PHF14: variants seen among roughly 807,000 people sequenced by gnomAD.
The protein encoded by PHF14 is PHD finger protein 14.
In PHF14, 55 loss-of-function variants were observed where a neutral mutation model predicts 117.9. The ratio of observed to expected loss-of-function variants is 0.47; its 90% CI spans 0.38 to 0.58. The LOEUF is 0.58. Among genes scored for constraint, PHF14 ranks in the 20% least tolerant of loss-of-function variants. The probability of loss-of-function intolerance (pLI) is 0.00; values close to 1 mark genes in which losing one functional copy is unlikely to be tolerated. For missense variants in PHF14, 978 were observed against 1,122.2 expected, an observed-to-expected ratio of 0.87 and a Z score of 1.84; for synonymous variants, 409 against 368.6, an observed-to-expected ratio of 1.11 and a Z score of -1.26.
chr7:11,105,930 C>T, intron 16 of PHF14: 3 of 984,480 alleles, frequency 3.0e-6, no homozygotes, highest in Non-Finnish European at 3.6e-6. Context: ...TAATTATGAA[C>T]AGGGAAATAC....
intron 4 of PHF14, among the ~76,000 whole-genome samples, chr7:10,992,342 C>T (rs1261929564): frequency 6.6e-6 from 1 of 151,248 alleles, no homozygotes; most frequent in East Asian, 2.0e-4. Context: ...GCATGAGCCA[C>T]CGTGCCTGGC....
intron 3 of PHF14, among the ~76,000 whole-genome samples, chr7:10,989,533 C>T (rs1333455280): frequency 2.0e-5 from 3 of 152,144 alleles, no homozygotes; most frequent in Admixed American, 6.5e-5. Flanking sequence ...TCTTAACTTA[C>T]TTAAAGTTTA....
chr7:11,097,476 G>A (rs1786922331), intron 16 of PHF14, among the ~76,000 whole-genome samples: 1 of 152,054 alleles, frequency 6.6e-6, no homozygotes, highest in Non-Finnish European at 1.5e-5. Context: ...GTAGTAGTAG[G>A]CCTTTATCAT....
intron 17 of PHF14, among the ~76,000 whole-genome samples, chr7:11,144,048 G>A (rs550073195): frequency 2.0e-5 from 3 of 152,056 alleles, no homozygotes; most frequent in East Asian, 1.9e-4. Context: ...CAAATAGTCC[G>A]ATTTTAAAAA....
chr7:11,163,344 A>G, intron 17 of PHF14, among the ~76,000 whole-genome samples: 1 of 152,216 alleles, frequency 6.6e-6, no homozygotes, highest in East Asian at 1.9e-4. Context: ...AGTTCATTTC[A>G]GTATCTGTCA....
intron 14 of PHF14, chr7:11,061,575 C>T: frequency 3.0e-6 from 1 of 336,792 alleles, no homozygotes; most frequent in East Asian, 4.7e-5. Flanking sequence ...AAGTAAAGTA[C>T]TATAAAGTAT....
intron 17 of PHF14, among the ~76,000 whole-genome samples, chr7:11,146,468 C>T (rs1452552116): frequency 1.3e-5 from 2 of 152,124 alleles, no homozygotes; most frequent in Non-Finnish European, 2.9e-5. Flanking sequence ...TTCTTCACCT[C>T]CATGTCTCTC....
intron 16 of PHF14, among the ~76,000 whole-genome samples, chr7:11,085,433 G>A (rs1418836151): frequency 2.6e-5 from 4 of 152,166 alleles, no homozygotes; most frequent in Non-Finnish European, 4.4e-5. Context: ...TTTGTGTAAT[G>A]TATTGGATCT....
intron 13 of PHF14, among the ~76,000 whole-genome samples, chr7:11,047,018 CTT>C (rs11323530): frequency 2.1e-5 from 3 of 144,712 alleles, no homozygotes; most frequent in African/African-American, 7.5e-5. Flanking sequence ...TCATAAAATC[CTT>C]TTTTTTTTTA....
chr7:10,989,890 C>T (rs962056014), intron 3 of PHF14, among the ~76,000 whole-genome samples: 15 of 152,170 alleles, frequency 9.9e-5, no homozygotes, highest in African/African-American at 3.6e-4. Context: ...TTCAACCTCC[C>T]ACTGTATTTG....
intron 13 of PHF14, among the ~76,000 whole-genome samples, chr7:11,046,122 C>G (rs1784654538): frequency 6.6e-6 from 1 of 152,024 alleles, no homozygotes; most frequent in African/African-American, 2.4e-5. Context: ...GTTTGTACCT[C>G]TTTCTAGTAT....
chr7:11,053,000 C>T (rs1447740636), intron 14 of PHF14, among the ~76,000 whole-genome samples: 1 of 152,086 alleles, frequency 6.6e-6, no homozygotes, highest in East Asian at 1.9e-4. Context: ...TGCTGGCTTA[C>T]AGTTATGAAT....
chr7:11,005,307 A>G, intron 4 of PHF14, among the ~76,000 whole-genome samples: 1 of 152,218 alleles, frequency 6.6e-6, no homozygotes, highest in Non-Finnish European at 1.5e-5. Context: ...TTTATTAGGA[A>G]GCATTTACTG....
chr7:10,988,016 C>CCAAAAAAAAAAAA (rs1554299508), intron 3 of PHF14, among the ~76,000 whole-genome samples: 1 of 115,644 alleles, frequency 8.6e-6, no homozygotes, highest in African/African-American at 3.2e-5. Context: ...AACTCCTTCT[C>CCAAAAAAAAAAAA]AAAAAAAAAA....
chr7:11,119,164 G>C (rs1315906270), intron 17 of PHF14, among the ~76,000 whole-genome samples: 1 of 151,744 alleles, frequency 6.6e-6, no homozygotes, highest in African/African-American at 2.4e-5. Flanking sequence ...AAGTACAGTA[G>C]GTTGCCATAC....
intron 5 of PHF14, among the ~76,000 whole-genome samples, chr7:11,022,192 T>C (rs555394937): frequency 3.1e-4 from 47 of 152,312 alleles, no homozygotes; most frequent in African/African-American, 1.1e-3. Context: ...TTTAGTCTTA[T>C]AGCATCATTC....
intron 16 of PHF14, among the ~76,000 whole-genome samples, chr7:11,076,750 TAG>T (rs978119734): frequency 5.9e-5 from 9 of 151,924 alleles, no homozygotes; most frequent in African/African-American, 2.2e-4. Context: ...GTATTTTTGG[TAG>T]AGATGGGGTT....
At chr7:10,977,829 C>G (rs1021790238) in intron 2 of PHF14, among the ~76,000 whole-genome samples, 2 of 152,108 alleles carry the variant, frequency 1.3e-5, no homozygotes, top group African/African-American at 4.8e-5. Context: ...CAAATATTAG[C>G]AATTTCATGG....
chr7:11,040,573 A>G, intron 11 of PHF14, 99 bp from the exon 12 acceptor site: 1 of 474,074 alleles, frequency 2.1e-6, no homozygotes, highest in South Asian at 6.4e-5. Context: ...CCCCCTAACA[A>G]TCCTACTATA....
Sources: allele counts gnomAD v4.1 joint callset (sites outside exome capture counted in the v4.1 genomes callset), GRCh38; gene constraint gnomAD v4.1.1; transcripts MANE v1.5; gene names NCBI Gene and HGNC (gene_info 2026-07-23, HGNC 2026-07-21).